SPNS3: variants seen among roughly 807,000 people sequenced by gnomAD.
The protein encoded by SPNS3 is protein spinster homolog 3.
SPNS3 carries 51 observed loss-of-function variants against 54.4 expected under a neutral mutation model. That is an observed-to-expected ratio of 0.94 (90% confidence interval 0.75 to 1.18). The LOEUF (loss-of-function observed/expected upper bound fraction) is 1.18, where lower values mean the gene tolerates loss of function less well. SPNS3 is among the 50% of genes most tolerant of loss of function. SPNS3 has a pLI of 0.00. For synonymous variants in SPNS3, 309 were observed against 294.7 expected, an observed-to-expected ratio of 1.05 and a Z score of -0.50; for missense variants, 669 against 677.4, an observed-to-expected ratio of 0.99 and a Z score of 0.14.
Position 4,483,642 on chromosome 17 carries a change from A to G in SPNS3, c.1180-2586A>G, listed in dbSNP as rs1238423199. Reference sequence around the variant, plus strand: ...ACCTGCCTTCCCAGAGCCACCAGTGAGTAATCACATAATTATGGGGTGAGA... The same window carrying G: ...ACCTGCCTTCCCAGAGCCACCAGTGGGTAATCACATAATTATGGGGTGAGA... On this transcript the variant is annotated intron_variant, in intron 9 of 11. Coordinates refer to ENST00000355530, the MANE Select transcript of SPNS3 (RefSeq NM_182538.5). The surrounding 1 kb of genome is among the most constrained non-coding windows in gnomAD (Gnocchi z 4.2). 2 of 152,286 alleles carry G rather than the reference A, an allele frequency of 1.3e-5. No individual in the cohort carries two copies. Among genetic ancestry groups the G allele is most frequent in the Admixed American group, 6.5e-5 (1 of 15,286 alleles). The allele number at this position is 152,286 out of a possible 1,614,324, so 9.4% of individuals were successfully genotyped here. A position where few individuals can be genotyped will look rare whatever the true frequency, so the allele number is the denominator to read the frequency against.
At chr17:4,449,204 C>T (rs1044385237) in intron 6 of SPNS3, 31 bp from the exon 7 acceptor site, 1 of 1,604,956 alleles carries the variant, frequency 6.2e-7, no homozygotes. Context: ...CAGCCCTCTC[C>T]CAACTCCAGC....
At position 4,439,777 on chromosome 17, in the gene SPNS3, G is replaced by T. The variant is rs191367430; in HGVS notation, c.265+54G>T. 3.2e-3 allele frequency: 4,899 copies of T among 1,524,800 alleles called. 9 individuals carry two copies. Among genetic ancestry groups the T allele is most frequent in the Non-Finnish European group, 3.8e-3 (4,237 of 1,115,736 alleles). 94.5% of individuals were successfully genotyped at this position (1,524,800 alleles called of 1,614,324 possible). A position where few individuals can be genotyped will look rare whatever the true frequency, so the allele number is the denominator to read the frequency against. ...GGGCCCTGGGTTCATGCTGGGGTGG[G>T]CTCTTTCTGTGGGTCATGTTCTGTG... On this transcript the variant is annotated intron_variant, in intron 2 of 11. Transcript: ENST00000355530.
chr17:4,439,609 G>A (rs1276219907), intron 1 of SPNS3, 49 bp from the exon 2 acceptor site: 2 of 1,576,898 alleles, frequency 1.3e-6, no homozygotes, highest in Admixed American at 1.8e-5. Context: ...GCCTTTAGAG[G>A]CCAGGAGGGC....
intron 4 of SPNS3, chr17:4,446,605 C>T: frequency 1.8e-6 from 1 of 541,610 alleles, no homozygotes; most frequent in Non-Finnish European, 3.3e-6. Flanking sequence ...CCTGAACTTG[C>T]CTGACTCAAG....
intron 8 of SPNS3, among the ~76,000 whole-genome samples, chr17:4,473,639 C>T (rs574048989): frequency 2.0e-5 from 3 of 152,240 alleles, no homozygotes; most frequent in Non-Finnish European, 2.9e-5. Context: ...CTGCCTGCCT[C>T]GGCTTCCCAA....
At chr17:4,480,217 C>G (rs1972115476) in intron 9 of SPNS3, among the ~76,000 whole-genome samples, 1 of 152,180 alleles carries the variant, frequency 6.6e-6, no homozygotes, top group African/African-American at 2.4e-5. Flanking sequence ...GCAGGTCTTC[C>G]CTGCCCCTCC....
intron 8 of SPNS3, among the ~76,000 whole-genome samples, chr17:4,453,637 A>G (rs1971230406): frequency 2.0e-5 from 3 of 151,990 alleles, no homozygotes; most frequent in Admixed American, 6.6e-5. Context: ...AAACAGAGAG[A>G]GAAGCTTACC....
intron 9 of SPNS3, among the ~76,000 whole-genome samples, chr17:4,481,273 G>A (rs1336569135): frequency 3.9e-5 from 6 of 152,102 alleles, no homozygotes; most frequent in African/African-American, 1.4e-4. Flanking sequence ...ATCCAGCACT[G>A]GGGGAGGAAG....
At chr17:4,443,481 C>G (rs142930708) in intron 2 of SPNS3, among the ~76,000 whole-genome samples, 1 of 152,180 alleles carries the variant, frequency 6.6e-6, no homozygotes, top group Non-Finnish European at 1.5e-5. Context: ...TAAACACTTC[C>G]GTATGATGGT....
intron 7 of SPNS3, among the ~76,000 whole-genome samples, chr17:4,452,473 G>C (rs761273479): frequency 2.0e-5 from 3 of 152,022 alleles, no homozygotes; most frequent in Non-Finnish European, 2.9e-5. Flanking sequence ...GGTAGGGGCT[G>C]CCTGAGAGGG....
intron 5 of SPNS3, among the ~76,000 whole-genome samples, chr17:4,447,558 A>G (rs1971032296): frequency 6.6e-6 from 1 of 152,348 alleles, no homozygotes; most frequent in South Asian, 2.1e-4. Context: ...GAGCCAGCCC[A>G]GTGCCGGGGA....
At chr17:4,457,552 G>A (rs1435038620) in intron 8 of SPNS3, among the ~76,000 whole-genome samples, 1 of 152,234 alleles carries the variant, frequency 6.6e-6, no homozygotes, top group East Asian at 1.9e-4. Context: ...CTTCTGGCTG[G>A]TGGGAGCTGA....
intron 8 of SPNS3, among the ~76,000 whole-genome samples, chr17:4,466,035 G>A (rs1971666923): frequency 6.6e-6 from 1 of 152,200 alleles, no homozygotes; most frequent in Non-Finnish European, 1.5e-5. Context: ...ATGGGCTGAG[G>A]GAGCAGGTGT....
chr17:4,461,277 G>A (rs1293564469), intron 8 of SPNS3, among the ~76,000 whole-genome samples: 1 of 145,876 alleles, frequency 6.9e-6, no homozygotes, highest in Non-Finnish European at 1.5e-5. Context: ...TGTCTATCTT[G>A]CTGATTTTTT....
chr17:4,466,709 G>T (rs940126330), intron 8 of SPNS3, among the ~76,000 whole-genome samples: 17 of 151,872 alleles, frequency 1.1e-4, no homozygotes, highest in Non-Finnish European at 2.9e-5. Flanking sequence ...GGGCATGGTG[G>T]TGGTGGGCAC....
At chr17:4,465,033 A>G (rs2144135820) in intron 8 of SPNS3, among the ~76,000 whole-genome samples, 1 of 152,362 alleles carries the variant, frequency 6.6e-6, no homozygotes, top group Non-Finnish European at 1.5e-5. Flanking sequence ...GCTTAAAACA[A>G]CAAGAACATT....
At chr17:4,437,531 A>T (rs1048636080) in intron 1 of SPNS3, among the ~76,000 whole-genome samples, 7 of 151,840 alleles carry the variant, frequency 4.6e-5, no homozygotes, top group African/African-American at 1.4e-4. Flanking sequence ...GCCAGGCGTG[A>T]TGGCGGGCAC....
At chr17:4,446,616 C>T (rs2144028601) in intron 4 of SPNS3, 1 of 550,590 alleles carries the variant, frequency 1.8e-6, no homozygotes, top group South Asian at 2.3e-5. Flanking sequence ...CTGACTCAAG[C>T]AGGGCCCAGC....
intron 7 of SPNS3, among the ~76,000 whole-genome samples, chr17:4,452,739 G>A (rs1337407438): frequency 3.9e-5 from 6 of 152,042 alleles, no homozygotes; most frequent in African/African-American, 1.4e-4. Flanking sequence ...CTGGGGTGCA[G>A]GGTGATCACC....
Sources: gnomAD v4.1 joint callset for allele counts (sites outside exome capture counted in the v4.1 genomes callset) on GRCh38, gnomAD v4.1.1 for gene constraint, Gnocchi (gnomAD v3.1) non-coding constraint, MANE v1.5 for transcripts, NCBI Gene and HGNC (gene_info 2026-07-23, HGNC 2026-07-21) for gene names.